ZWILCH: variants seen among roughly 807,000 people sequenced by gnomAD.
ZWILCH encodes zwilch kinetochore protein.
In ZWILCH, 74 loss-of-function variants were observed where a neutral mutation model predicts 79.9. The observed-to-expected ratio is 0.93, with a 90% CI of 0.77 to 1.12. ZWILCH has a LOEUF of 1.12. Among genes scored for constraint, ZWILCH ranks in the 50% most tolerant of loss-of-function variants. ZWILCH has a pLI of 0.00. For synonymous variants in ZWILCH, 241 were observed against 228.2 expected (o/e 1.06, Z -0.51); for missense variants, 694 against 687.5 (o/e 1.01, Z -0.11).
At chr15:66,528,175 C>T (rs954107382) in intron 10 of ZWILCH, among the ~76,000 whole-genome samples, 2 of 152,210 alleles carry the variant, frequency 1.3e-5, no homozygotes, top group Non-Finnish European at 2.9e-5. Context: ...TCCACCATGG[C>T]TCACTGCAGC....
intron 7 of ZWILCH, among the ~76,000 whole-genome samples, chr15:66,522,705 AAAAAAG>A (rs1787709328): frequency 6.6e-6 from 1 of 152,230 alleles, no homozygotes; most frequent in African/African-American, 2.4e-5. Context: ...AAGCAAAAAG[AAAAAAG>A]AAAAAGTATA....
intron 15 of ZWILCH, 90 bp from the exon 16 acceptor site, chr15:66,537,078 A>G: frequency 1.1e-6 from 1 of 917,756 alleles, no homozygotes; most frequent in Non-Finnish European, 1.7e-6. Flanking sequence ...GTACTCAATA[A>G]AATGTTTCCC....
intron 4 of ZWILCH, among the ~76,000 whole-genome samples, chr15:66,517,446 A>ATATATGTATATATATATATATATG: frequency 8.0e-6 from 1 of 125,786 alleles, no homozygotes; most frequent in South Asian, 2.5e-4. Context: ...ATATATATAT[A>ATATATGTATATATATATATATATG]TATATATATA....
Position 66,520,900 on chromosome 15 carries a change from T to C in ZWILCH, c.592-150T>C. ...CTATTTGGGATATATGGAAAGTATA[T>C]ATCCCAAAAATATATGGAAAGTATA... On this transcript the variant is annotated intron_variant, in intron 6 of 18. Transcript: ENST00000307897. 4.4e-6 allele frequency: 4 copies of C among 903,934 alleles called. No individual in the cohort carries two copies. The South Asian group carries it at 6.9e-5, about 16-fold the overall frequency. 56.0% of individuals were successfully genotyped at this position (903,934 alleles called of 1,614,324 possible).
chr15:66,544,764 G>GTGT (rs1555426558), intron 17 of ZWILCH, among the ~76,000 whole-genome samples: 2 of 150,384 alleles, frequency 1.3e-5, no homozygotes, highest in Non-Finnish European at 3.0e-5. Context: ...GTGTGTTTGA[G>GTGT]ATGGAGCCTT....
At position 66,519,098 on chromosome 15, in the gene ZWILCH, AGT is replaced by A. The variant is rs761707641; in HGVS notation, c.520+31_520+32del. On this transcript the variant is annotated intron_variant, in intron 5 of 18. Transcript: ENST00000307897. ...GTAAAGGTGAGTGCTCTCTCTAGAGAGTGTGTGTGTGTATTTATTCATTTGTA... is the reference window on the plus strand; with the variant it reads ...GTAAAGGTGAGTGCTCTCTCTAGAGAGTGTGTGTGTATTTATTCATTTGTA... 8.4e-5 allele frequency: 134 copies of A among 1,599,052 alleles called. No homozygotes were observed. Among genetic ancestry groups the A allele is most frequent in the Non-Finnish European group, 1.1e-4 (126 of 1,166,676 alleles).
intron 17 of ZWILCH, among the ~76,000 whole-genome samples, chr15:66,540,804 A>G (rs945631391): frequency 6.7e-6 from 1 of 149,490 alleles, no homozygotes; most frequent in Non-Finnish European, 1.5e-5. Context: ...AATTTTTTGT[A>G]TCTTTAGTAA....
chr15:66,529,054 G>A, intron 11 of ZWILCH, 97 bp downstream of exon 11: 1 of 926,420 alleles, frequency 1.1e-6, no homozygotes, highest in Non-Finnish European at 1.7e-6. Flanking sequence ...AGTTTTGTGG[G>A]GAAGTCTGGT....
At chr15:66,506,941 C>T (rs986974861) in intron 1 of ZWILCH, among the ~76,000 whole-genome samples, 6 of 151,510 alleles carry the variant, frequency 4.0e-5, no homozygotes, top group Non-Finnish European at 8.8e-5. Flanking sequence ...ACTGCAACCT[C>T]TGCCTCCCGG....
At chr15:66,532,602 C>T (rs774330529) in intron 13 of ZWILCH, among the ~76,000 whole-genome samples, 199 bp downstream of exon 13, 1 of 151,716 alleles carries the variant, frequency 6.6e-6, no homozygotes, top group African/African-American at 2.4e-5. Flanking sequence ...GCATTATATC[C>T]ATAGTTCTTG....
Position 66,519,128 on chromosome 15 carries a change from G to C in ZWILCH, c.520+50G>C, listed in dbSNP as rs758600261. The C allele has an allele frequency of 5.8e-6, 9 of 1,563,140 alleles. No individual in the cohort carries two copies. The African/African-American group carries it at 1.2e-4, about 21-fold the overall frequency. On this transcript the variant is annotated intron_variant, in intron 5 of 18. Transcript: ENST00000307897. ...GTGTGTGTATTTATTCATTTGTATA[G>C]TTATTGTTTCATGTTTTTTTACGAA...
At chr15:66,523,349 T>G in intron 7 of ZWILCH, 1 of 209,296 alleles carries the variant, frequency 4.8e-6, no homozygotes, top group Non-Finnish European at 9.5e-6. Context: ...TGAGATATAT[T>G]TATGTAAATT....
chr15:66,532,431 T>TA lies in ZWILCH; in HGVS notation c.1312+34dup, dbSNP rs757597854. On this transcript the variant is annotated intron_variant, in intron 13 of 18. Coordinates refer to ENST00000307897, the MANE Select transcript of ZWILCH (RefSeq NM_017975.5). ...AAGTATCTTTCCTGGCTCAAAAAAT[T>TA]AAAAAACACATCACAGTTATCAGTC... 132 of 1,571,942 alleles carry TA rather than the reference T, an allele frequency of 8.4e-5. No individual in the cohort carries two copies. The East Asian group carries it at 2.0e-3, about 23-fold the overall frequency.
chr15:66,535,999 A>G lies in ZWILCH; in HGVS notation c.1408A>G (p.Ile470Val). The G allele has an allele frequency of 6.2e-7, 1 of 1,612,894 alleles. No homozygotes were observed. Among genetic ancestry groups the G allele is most frequent in the South Asian group, 1.1e-5 (1 of 90,886 alleles). ...QVYRVQKLHHILEILVSCMPF... is the reference protein window; with the variant it reads ...QVYRVQKLHHVLEILVSCMPF... Reference sequence around the variant, plus strand: ...TTATCGTGTCCAAAAACTCCACCATATTCTAGAAATATTAGTCAGTTGCAT... The same window carrying G: ...TTATCGTGTCCAAAAACTCCACCATGTTCTAGAAATATTAGTCAGTTGCAT... The change falls in exon 15 of 19, where the codon ATT (isoleucine) becomes GTT (valine). Residue 470 changes from isoleucine to valine, a missense_variant. Coordinates refer to ENST00000307897, the MANE Select transcript of ZWILCH (RefSeq NM_017975.5).
At chr15:66,512,815 A>C (rs1894117048) in intron 2 of ZWILCH, among the ~76,000 whole-genome samples, 1 of 151,730 alleles carries the variant, frequency 6.6e-6, no homozygotes. Context: ...TTACTTTTTA[A>C]GATGGAGTCT....
chr15:66,533,081 C>T (rs1894903921), intron 14 of ZWILCH, 68 bp downstream of exon 14: 13 of 1,103,930 alleles, frequency 1.2e-5, no homozygotes, highest in African/African-American at 7.9e-5. Flanking sequence ...CAGTTATTAA[C>T]TGCCAATAAT....
chr15:66,529,762 T>C (rs1029967246), intron 12 of ZWILCH, among the ~76,000 whole-genome samples, 189 bp downstream of exon 12: 3 of 152,208 alleles, frequency 2.0e-5, no homozygotes, highest in Admixed American at 2.0e-4. Context: ...GTAAGAATAG[T>C]ATCTACCTCG....
rs752752312 is a variant in ZWILCH at position 66,505,403 on chromosome 15, C to T, written c.53+12C>T. On this transcript the variant is annotated intron_variant, in intron 1 of 18. Coordinates refer to ENST00000307897, the MANE Select transcript of ZWILCH (RefSeq NM_017975.5). ...TCTCGTCTCCTTCAGTGAGTCTAGT[C>T]TCTTCTTTTGGCTGGGGTCCTGGGA... 5.6e-6 allele frequency: 9 copies of T among 1,613,954 alleles called. No homozygotes were observed. Among genetic ancestry groups the T allele is most frequent in the Non-Finnish European group, 5.1e-6 (6 of 1,179,900 alleles).
intron 8 of ZWILCH, 103 bp downstream of exon 8, chr15:66,523,851 A>T: frequency 1.3e-6 from 1 of 792,066 alleles, no homozygotes; most frequent in Non-Finnish European, 2.0e-6. Flanking sequence ...ACTTCTTCAG[A>T]TGTTATGTAT....
Sources: gnomAD v4.1 joint callset for allele counts (sites outside exome capture counted in the v4.1 genomes callset) on GRCh38, gnomAD v4.1.1 for gene constraint, MANE v1.5 for transcripts, NCBI Gene and HGNC (gene_info 2026-07-23, HGNC 2026-07-21) for gene names.